FARP2: variants seen among roughly 807,000 people sequenced by gnomAD.
FARP2 encodes FERM, ARHGEF and pleckstrin domain-containing protein 2.
A neutral mutation model predicts 130.5 loss-of-function variants in FARP2; 111 were observed. The observed-to-expected ratio is 0.85, with a 90% CI of 0.73 to 1.00. The LOEUF is 1.00. Among genes scored for constraint, FARP2 ranks in the 50% least tolerant of loss-of-function variants. The pLI, the probability that FARP2 is intolerant of heterozygous loss-of-function variation, is 0.00. For missense variants in FARP2, 1,385 were observed against 1,346.3 expected, an observed-to-expected ratio of 1.03 and a Z score of -0.45; for synonymous variants, 504 against 516.9, an observed-to-expected ratio of 0.98 and a Z score of 0.34.
chr2:241,466,646 C>T, intron 17 of FARP2: 1 of 981,930 alleles, frequency 1.0e-6, no homozygotes. Flanking sequence ...CACCCCTCAC[C>T]CCCAGGCAGC....
intron 2 of FARP2, chr2:241,387,050 T>C (rs1029103839): frequency 6.6e-6 from 1 of 152,380 alleles, no homozygotes; most frequent in Middle Eastern, 3.4e-3. Flanking sequence ...GTTTGAAATA[T>C]GTTTCTTATA....
intron 18 of FARP2, 34 bp downstream of exon 18, chr2:241,468,411 C>A: frequency 6.5e-7 from 1 of 1,539,348 alleles, no homozygotes; most frequent in Non-Finnish European, 9.0e-7. Context: ...TCTCAAGGAT[C>A]AGCGTGCGTG....
At position 241,418,100 on chromosome 2, in the gene FARP2, C is replaced by G. The variant is rs139417778; in HGVS notation, c.762C>G (p.Leu254=). The change falls in exon 8 of 27, where the codon CTC becomes CTG. Residue 254 remains leucine, a synonymous_variant. Coordinates refer to ENST00000264042, the MANE Select transcript of FARP2 (RefSeq NM_014808.4). ...TGGCAGTTTCCCACATGGGTGTACTCGTGTTCCAGGTAGGCCAGTGGGGAA... is the reference window on the plus strand; with the variant it reads ...TGGCAGTTTCCCACATGGGTGTACTGGTGTTCCAGGTAGGCCAGTGGGGAA... ...IQLAVSHMGV[L]VFQGTTKINT... 24 of 1,614,108 alleles carry G rather than the reference C, an allele frequency of 1.5e-5. No homozygotes were observed. Among genetic ancestry groups the G allele is most frequent in the Non-Finnish European group, 1.9e-5 (23 of 1,180,030 alleles).
At position 241,493,297 on chromosome 2, in the gene FARP2, A is replaced by G; in HGVS notation, c.2900A>G (p.Asp967Gly). 1 of 1,613,742 alleles carries G rather than the reference A, an allele frequency of 6.2e-7. No homozygotes were observed. Among genetic ancestry groups the G allele is most frequent in the South Asian group, 1.1e-5 (1 of 91,072 alleles). ...TGTCCCTATGCTGTCTTGCAGGATG[A>G]CTACCCACTGGCCAGCCTCCCGCTG... ...CLFFYKTHQD[D>G]YPLASLPLLG... is the part of the protein sequence containing the mutation. The change falls in exon 26 of 27, where the codon GAC (aspartate) becomes GGC (glycine). Residue 967 changes from aspartate to glycine, a missense_variant. Transcript: ENST00000264042.
chr2:241,423,208 A>G (rs905668130), intron 8 of FARP2, among the ~76,000 whole-genome samples: 3 of 152,224 alleles, frequency 2.0e-5, no homozygotes, highest in Non-Finnish European at 4.4e-5. Context: ...AAAGGCAGCC[A>G]GAGAGAAAGG....
intron 18 of FARP2, 98 bp downstream of exon 18, chr2:241,468,475 C>A: frequency 1.2e-6 from 1 of 850,276 alleles, no homozygotes. Context: ...CACTGGGAAG[C>A]GCAGGAGTCC....
chr2:241,472,778 T>C (rs2064353878), intron 18 of FARP2, among the ~76,000 whole-genome samples: 1 of 149,666 alleles, frequency 6.7e-6, no homozygotes, highest in Non-Finnish European at 1.5e-5. Flanking sequence ...TGGGAGATGC[T>C]GTTCTGAAGG....
chr2:241,404,757 A>G (rs2062286914), intron 3 of FARP2, 42 bp from the exon 4 acceptor site: 2 of 1,443,958 alleles, frequency 1.4e-6, no homozygotes, highest in Non-Finnish European at 1.9e-6. Flanking sequence ...AAATAGAGAC[A>G]TTATTTAATA....
At chr2:241,404,668 A>AG (rs879096345) in intron 3 of FARP2, 131 bp from the exon 4 acceptor site, 33 of 627,782 alleles carry the variant, frequency 5.3e-5, no homozygotes, top group Middle Eastern at 4.3e-4. Flanking sequence ...AACCTTTAAG[A>AG]GGGGGGGTAG....
intron 14 of FARP2, among the ~76,000 whole-genome samples, chr2:241,461,968 G>T (rs763864483): frequency 6.6e-6 from 1 of 152,206 alleles, no homozygotes; most frequent in African/African-American, 2.4e-5. Context: ...CCTATGGCCA[G>T]CTTGCCTGCT....
chr2:241,442,258 C>T (rs1261346247), intron 13 of FARP2: 4 of 456,602 alleles, frequency 8.8e-6, no homozygotes, highest in Admixed American at 4.7e-5. Context: ...GGTCAACTTC[C>T]CAGCCTACTC....
intron 13 of FARP2, among the ~76,000 whole-genome samples, chr2:241,453,808 G>A (rs2063759402): frequency 9.3e-6 from 1 of 108,062 alleles, no homozygotes; most frequent in Admixed American, 1.3e-4. Context: ...TTTTGAGATG[G>A]GGCCTTCCTC....
At chr2:241,417,345 C>G (rs558288969) in intron 7 of FARP2, among the ~76,000 whole-genome samples, 3 of 151,900 alleles carry the variant, frequency 2.0e-5, no homozygotes, top group South Asian at 2.1e-4. Flanking sequence ...CACTACTATC[C>G]CGTCACACTC....
In FARP2 at chr2:241,434,942, A is replaced by C. The variant is rs2063185573; in HGVS notation, c.1032-20A>C. 6.9e-7 allele frequency: 1 copy of C among 1,444,308 alleles called. No homozygotes were observed. The highest frequency in any genetic ancestry group is 1.9e-5 in the Admixed American group (1 of 53,610). The allele number at this position is 1,444,308 out of a possible 1,614,324, so 89.5% of individuals were successfully genotyped here. A position where few individuals can be genotyped will look rare whatever the true frequency, so the allele number is the denominator to read the frequency against. Reference sequence around the variant, plus strand: ...GCTGACTTACTGTTCTTTATTAAAAATCTGAATCTTTATTCACAGTGGAAG... The same window carrying C: ...GCTGACTTACTGTTCTTTATTAAAACTCTGAATCTTTATTCACAGTGGAAG... On this transcript the variant is annotated intron_variant, in intron 10 of 26. Coordinates refer to ENST00000264042, the MANE Select transcript of FARP2 (RefSeq NM_014808.4).
intron 13 of FARP2, among the ~76,000 whole-genome samples, chr2:241,455,295 A>C (rs2063800040): frequency 6.6e-6 from 1 of 152,242 alleles, no homozygotes; most frequent in Non-Finnish European, 1.5e-5. Context: ...AACATTTGGT[A>C]AGCTGACTCA....
intron 10 of FARP2, among the ~76,000 whole-genome samples, chr2:241,434,579 C>T (rs759610455): frequency 2.6e-5 from 4 of 152,186 alleles, no homozygotes; most frequent in South Asian, 2.1e-4. Context: ...GGGCCGAGCC[C>T]GGTGGCTCAC....
intron 12 of FARP2, among the ~76,000 whole-genome samples, chr2:241,440,526 C>A (rs967005500): frequency 6.6e-6 from 1 of 152,110 alleles, no homozygotes; most frequent in Non-Finnish European, 1.5e-5. Flanking sequence ...GTGGCCACTC[C>A]TGTGCTTTTG....
At chr2:241,468,924 G>A (rs1032195037) in intron 18 of FARP2, among the ~76,000 whole-genome samples, 1 of 152,208 alleles carries the variant, frequency 6.6e-6, no homozygotes, top group African/African-American at 2.4e-5. Flanking sequence ...CTAAAAATAG[G>A]ATTTCTAATT....
chr2:241,364,262 A>T (rs1014273861), intron 1 of FARP2, among the ~76,000 whole-genome samples: 2 of 152,206 alleles, frequency 1.3e-5, no homozygotes, highest in Non-Finnish European at 2.9e-5. Flanking sequence ...TGAGCCAAGG[A>T]ATGAGAATGA....
Sources: gnomAD v4.1 joint callset for allele counts (sites outside exome capture counted in the v4.1 genomes callset) on GRCh38, gnomAD v4.1.1 for gene constraint, MANE v1.5 for transcripts, NCBI Gene and HGNC (gene_info 2026-07-23, HGNC 2026-07-21) for gene names.